The following NHSL1 variants were observed in gnomAD, a reference collection of about 807,000 sequenced individuals.
The protein encoded by NHSL1 is NHS-like protein 1.
NHSL1 carries 48 observed loss-of-function variants against 95.0 expected under a neutral mutation model. The observed-to-expected ratio is 0.51, with a 90% CI of 0.40 to 0.64. The LOEUF (loss-of-function observed/expected upper bound fraction) is 0.64. Among genes scored for constraint, NHSL1 ranks in the 30% least tolerant of loss-of-function variants. The pLI, the probability that NHSL1 is intolerant of heterozygous loss-of-function variation, is 0.00. For missense variants in NHSL1, 1,971 were observed against 2,077.7 expected, an observed-to-expected ratio of 0.95 and a Z score of 1.00; for synonymous variants, 783 against 833.9, an observed-to-expected ratio of 0.94 and a Z score of 1.05.
Position 138,660,051 on chromosome 6 carries a change from T to C in NHSL1, c.96+32425A>G, listed in dbSNP as rs145207596. Among the ~76,000 whole-genome samples the C allele has an allele frequency of 3.5e-3, 526 of 152,280 alleles. 1 individual carries two copies. Among genetic ancestry groups the C allele is most frequent in the African/African-American group, 0.012 (507 of 41,568 alleles). On this transcript the variant is annotated intron_variant, in intron 1 of 3. Coordinates refer to the NHSL1 transcript ENST00000491526. Reference sequence around the variant, plus strand: ...CATCTTTTCTAAAACACCTGTATGATGTCCTTTCTTCAAATAACACCTCAC... The same window carrying C: ...CATCTTTTCTAAAACACCTGTATGACGTCCTTTCTTCAAATAACACCTCAC...
intron 1 of NHSL1, among the ~76,000 whole-genome samples, chr6:138,636,036 T>C (rs1321409428): frequency 2.1e-5 from 3 of 142,062 alleles, no homozygotes; most frequent in African/African-American, 5.3e-5. Flanking sequence ...GGCAGAACAA[T>C]CACTTGAACC....
intron 1 of NHSL1, among the ~76,000 whole-genome samples, chr6:138,662,491 T>C (rs186457168): frequency 2.9e-4 from 44 of 152,356 alleles, no homozygotes; most frequent in African/African-American, 1.0e-3. Flanking sequence ...TAAAACATGA[T>C]TGAATGTATA....
intron 1 of NHSL1, among the ~76,000 whole-genome samples, chr6:138,643,541 G>A (rs1417710132): frequency 6.6e-6 from 1 of 152,146 alleles, no homozygotes; most frequent in Non-Finnish European, 1.5e-5. Flanking sequence ...AAAACTAGCA[G>A]AGCCAATATT....
intron 1 of NHSL1, among the ~76,000 whole-genome samples, chr6:138,565,750 C>A (rs1783589473): frequency 1.5e-5 from 2 of 129,594 alleles, no homozygotes; most frequent in South Asian, 4.4e-4. Context: ...AAGAGAGAGA[C>A]CCCATCTCTA....
At chr6:138,570,743 C>G (rs1392751445) in intron 1 of NHSL1, among the ~76,000 whole-genome samples, 1 of 152,214 alleles carries the variant, frequency 6.6e-6, no homozygotes, top group African/African-American at 2.4e-5. Context: ...CTTTCCAAAG[C>G]AGGGGGAAGC....
At chr6:138,675,901 GC>G (rs1293078877) in intron 1 of NHSL1, among the ~76,000 whole-genome samples, 1 of 152,170 alleles carries the variant, frequency 6.6e-6, no homozygotes, top group African/African-American at 2.4e-5. Flanking sequence ...GGTTGAACAG[GC>G]TTTTGGGGGT....
intron 1 of NHSL1, among the ~76,000 whole-genome samples, chr6:138,610,541 AT>A (rs1447107904): frequency 7.0e-5 from 8 of 114,726 alleles, no homozygotes; most frequent in African/African-American, 3.7e-4. Context: ...AAGTATAATA[AT>A]AAAAAAATAT....
chr6:138,464,869 C>T (rs1360315851), intron 3 of NHSL1, among the ~76,000 whole-genome samples: 5 of 151,186 alleles, frequency 3.3e-5, no homozygotes, highest in South Asian at 2.1e-4. Flanking sequence ...CGTGCCACCA[C>T]GCCTCGCTAA....
At chr6:138,514,034 T>C (rs1781347939) in intron 1 of NHSL1, among the ~76,000 whole-genome samples, 2 of 152,150 alleles carry the variant, frequency 1.3e-5, no homozygotes, top group South Asian at 4.1e-4. Flanking sequence ...ACTTTATTCT[T>C]GGCCAGGCGT....
chr6:138,648,907 G>A (rs1160005455), intron 1 of NHSL1, among the ~76,000 whole-genome samples: 2 of 152,098 alleles, frequency 1.3e-5, no homozygotes, highest in Non-Finnish European at 2.9e-5. Context: ...AATGAATATA[G>A]TCAACTATAA....
chr6:138,437,947 T>C (rs889864053), intron 5 of NHSL1, among the ~76,000 whole-genome samples: 1 of 152,202 alleles, frequency 6.6e-6, no homozygotes, highest in South Asian at 2.1e-4. Flanking sequence ...ATGAAAATGC[T>C]TTCTTGAGAT....
chr6:138,564,747 T>G lies in NHSL1; in HGVS notation c.202+6963A>C, dbSNP rs559990630. ...AAACAAGTAAGCATAAGCCAGTGTA[T>G]GATAAACACGATTAGAGAGGAATGA... On this transcript the variant is annotated intron_variant, in intron 1 of 6. Coordinates refer to the NHSL1 transcript ENST00000427025. Among the ~76,000 whole-genome samples, 3 of 151,778 alleles carry G rather than the reference T, an allele frequency of 2.0e-5. No individual in the cohort carries two copies. The South Asian group carries it at 6.3e-4, about 32-fold the overall frequency.
intron 1 of NHSL1, among the ~76,000 whole-genome samples, chr6:138,607,301 C>A (rs536660303): frequency 6.6e-5 from 10 of 152,226 alleles, no homozygotes; most frequent in South Asian, 2.1e-4. Context: ...AAGTCTCTGA[C>A]CTTATTGCTA....
intron 3 of NHSL1, among the ~76,000 whole-genome samples, chr6:138,449,219 C>T (rs181806900): frequency 6.6e-6 from 1 of 152,252 alleles, no homozygotes; most frequent in Admixed American, 6.5e-5. Flanking sequence ...TTGCTGTTGG[C>T]GATAGGGCCC....
intron 1 of NHSL1, among the ~76,000 whole-genome samples, chr6:138,608,495 A>G (rs990003085): frequency 7.2e-5 from 11 of 152,352 alleles, no homozygotes; most frequent in African/African-American, 2.4e-4. Flanking sequence ...TGTGAACTCA[A>G]TAATTCCTGC....
In NHSL1 at chr6:138,423,364, A is replaced by C. The variant is rs1169405383; in HGVS notation, c.*717T>G. 1 of 152,206 alleles carries C rather than the reference A, an allele frequency of 6.6e-6. No homozygotes were observed. The highest frequency in any genetic ancestry group is 2.4e-5 in the African/African-American group (1 of 41,440). The allele number at this position is 152,206 out of a possible 1,614,324, so 9.4% of individuals were successfully genotyped here. A position where few individuals can be genotyped will look rare whatever the true frequency, so the allele number is the denominator to read the frequency against. On this transcript the variant is annotated 3_prime_UTR_variant, in exon 8 of 8. Coordinates refer to ENST00000343505, the MANE Select transcript of NHSL1 (RefSeq NM_001144060.2). The stretch of plus-strand genomic sequence containing the variant: ...TAAAAATCAGGCTACAATTGTGTGT[A>C]TGTGGCTGCACAGCAGCAGGCACCA...
chr6:138,529,450 G>A (rs1177389552), intron 1 of NHSL1, among the ~76,000 whole-genome samples: 2 of 152,186 alleles, frequency 1.3e-5, no homozygotes. Context: ...ATGTTATGAT[G>A]AGTGCTGTTA....
chr6:138,481,593 T>C (rs1196062882), intron 2 of NHSL1, among the ~76,000 whole-genome samples: 1 of 152,210 alleles, frequency 6.6e-6, no homozygotes, highest in African/African-American at 2.4e-5. Context: ...TCAAAGACAC[T>C]GTGTATTTAA....
At chr6:138,674,849 T>C (rs1396195810) in intron 1 of NHSL1, among the ~76,000 whole-genome samples, 1 of 152,098 alleles carries the variant, frequency 6.6e-6, no homozygotes, top group African/African-American at 2.4e-5. Context: ...ATAGGATTGC[T>C]GGGTAAAGAC....
Sources: gnomAD v4.1 joint callset for allele counts (sites outside exome capture counted in the v4.1 genomes callset) on GRCh38, gnomAD v4.1.1 for gene constraint, MANE v1.5 for transcripts, NCBI Gene and HGNC (gene_info 2026-07-23, HGNC 2026-07-21) for gene names.